CUBN: variants seen among roughly 807,000 people sequenced by gnomAD.
CUBN encodes cubilin, also known as 460 kDa receptor.
CUBN carries 282 observed loss-of-function variants against 405.3 expected under a neutral mutation model. That is an observed-to-expected ratio of 0.70 (90% CI 0.63 to 0.77). CUBN has a LOEUF of 0.77. CUBN is among the 30% of genes least tolerant of loss of function. CUBN has a pLI of 0.00. For synonymous variants in CUBN, 1,684 were observed against 1,617.0 expected (o/e 1.04, Z -0.99); for missense variants, 4,514 against 4,475.2 (o/e 1.01, Z -0.25).
intron 62 of CUBN, among the ~76,000 whole-genome samples, chr10:16,837,266 T>C (rs1322434385): frequency 1.3e-5 from 2 of 151,984 alleles, no homozygotes; most frequent in African/African-American, 4.8e-5. Flanking sequence ...GGCTGTTCTT[T>C]ACCCATGCTC....
chr10:17,114,520 G>T (rs1358888328), intron 7 of CUBN, among the ~76,000 whole-genome samples: 1 of 152,138 alleles, frequency 6.6e-6, no homozygotes, highest in Non-Finnish European at 1.5e-5. Flanking sequence ...ACCCATGTAG[G>T]CACAGACCTT....
intron 59 of CUBN, among the ~76,000 whole-genome samples, chr10:16,865,870 T>C (rs1840169639): frequency 2.0e-5 from 3 of 152,156 alleles, no homozygotes; most frequent in Non-Finnish European, 4.4e-5. Flanking sequence ...TTTGGGTCCA[T>C]GCCAATTTTA....
intron 20 of CUBN, 48 bp downstream of exon 20, chr10:17,068,557 C>G: frequency 3.4e-6 from 5 of 1,463,122 alleles, no homozygotes; most frequent in Non-Finnish European, 4.8e-6. Flanking sequence ...TTCACTTATT[C>G]TGATACAAGC....
At chr10:16,938,223 A>G (rs1022974152) in intron 38 of CUBN, among the ~76,000 whole-genome samples, 23 of 152,198 alleles carry the variant, frequency 1.5e-4, no homozygotes, top group African/African-American at 5.3e-4. Context: ...AAAGGAGTCC[A>G]TATTTCCACA....
At chr10:17,053,285 G>T (rs1835314732) in intron 22 of CUBN, among the ~76,000 whole-genome samples, 1 of 151,712 alleles carries the variant, frequency 6.6e-6, no homozygotes, top group South Asian at 2.1e-4. Context: ...AGAAAAAGCA[G>T]GACCCAATTA....
At chr10:17,065,487 T>C in intron 22 of CUBN, 21 bp downstream of exon 22, 1 of 1,612,442 alleles carries the variant, frequency 6.2e-7, no homozygotes, top group South Asian at 1.1e-5. Flanking sequence ...TAAAACCGAG[T>C]ATGCAATGCT....
Position 16,945,912 on chromosome 10 carries a change from G to A in CUBN, c.5342+1323C>T, listed in dbSNP as rs549140209. Among the ~76,000 whole-genome samples the A allele has an allele frequency of 7.3e-4, 111 of 152,096 alleles. 1 individual carries two copies. Among genetic ancestry groups the A allele is most frequent in the Admixed American group, 7.2e-3 (110 of 15,276 alleles). ...CCTGAAGAGGCTCTGTCTGATTGAT[G>A]GATTAAAAAAAGCAACTTGAGATGT... On this transcript the variant is annotated intron_variant, in intron 36 of 66. Transcript: ENST00000377833.
intron 39 of CUBN, among the ~76,000 whole-genome samples, chr10:16,936,003 C>A (rs1032278345): frequency 2.0e-5 from 3 of 151,506 alleles, no homozygotes; most frequent in Non-Finnish European, 4.4e-5. Flanking sequence ...AGTGTGGTAT[C>A]ATTACAGGAT....
At chr10:16,978,757 T>C (rs975763410) in intron 31 of CUBN, among the ~76,000 whole-genome samples, 1 of 152,140 alleles carries the variant, frequency 6.6e-6, no homozygotes, top group Non-Finnish European at 1.5e-5. Context: ...AAAAACTTTT[T>C]GTTAGAAAAT....
chr10:16,852,117 A>T (rs1326231992), intron 59 of CUBN, among the ~76,000 whole-genome samples: 2 of 33,562 alleles, frequency 6.0e-5, no homozygotes, highest in Admixed American at 4.2e-4. Context: ...CCCTCCCTCC[A>T]TCTTTCCCTC....
At chr10:16,995,494 A>T (rs1405347735) in intron 28 of CUBN, among the ~76,000 whole-genome samples, 2 of 149,710 alleles carry the variant, frequency 1.3e-5, no homozygotes, top group East Asian at 3.9e-4. Flanking sequence ...CTATCTTTAC[A>T]TTTTTTTTTT....
At chr10:16,981,767 G>A (rs1480990901) in intron 31 of CUBN, among the ~76,000 whole-genome samples, 1 of 152,122 alleles carries the variant, frequency 6.6e-6, no homozygotes, top group Non-Finnish European at 1.5e-5. Flanking sequence ...AAGCAAATAA[G>A]CCACCCCCTT....
At chr10:17,023,276 G>A (rs1455315234) in intron 27 of CUBN, among the ~76,000 whole-genome samples, 1 of 150,986 alleles carries the variant, frequency 6.6e-6, no homozygotes, top group Non-Finnish European at 1.5e-5. Context: ...CCTTTGGGGG[G>A]AGAAAATTAT....
chr10:16,976,919 T>G (rs1399088768), intron 31 of CUBN, among the ~76,000 whole-genome samples: 6 of 152,224 alleles, frequency 3.9e-5, no homozygotes, highest in African/African-American at 1.4e-4. Context: ...TTGGGTCTTC[T>G]TCATATTGCA....
chr10:16,925,593 AT>A lies in CUBN; in HGVS notation c.6452del (p.Asp2151ValfsTer5), dbSNP rs762997027. On this transcript the variant is annotated frameshift_variant, in exon 42 of 67. Coordinates refer to ENST00000377833, the MANE Select transcript of CUBN (RefSeq NM_001081.4). LOFTEE classifies it high-confidence loss of function. ...PNGDSSCNQG[D>X]YLVLRNGPDI... Reference sequence around the variant, plus strand: ...TAGCAGCAAGACCTACCACCAAGTAATCCCCCTGGTTGCAAGAAGAATCTCC... The same window carrying A: ...TAGCAGCAAGACCTACCACCAAGTAACCCCCTGGTTGCAAGAAGAATCTCC... 12 of 1,614,014 alleles carry A rather than the reference AT, an allele frequency of 7.4e-6. No homozygotes were observed. The highest frequency in any genetic ancestry group is 9.3e-6 in the Non-Finnish European group (11 of 1,179,958).
chr10:16,869,675 T>C lies in CUBN; in HGVS notation c.9415A>G (p.Thr3139Ala). Residue 3139 changes from threonine to alanine, a missense_variant, in exon 59 of 67, where the codon ACA (threonine) becomes GCA (alanine). By Grantham distance (58) the Thr-to-Ala change is moderately conservative. Coordinates refer to ENST00000377833, the MANE Select transcript of CUBN (RefSeq NM_001081.4). ...AAAGACATCTTCCAGCCTTTTGCTG[T>C]CTGAAATGAATCTGTCTTGAACACC... ...LLVFKTDSFQ[T>A]AKGWKMSFRQ... 1.2e-6 allele frequency: 2 copies of C among 1,614,014 alleles called. No individual in the cohort carries two copies. Among genetic ancestry groups the C allele is most frequent in the Admixed American group, 1.7e-5 (1 of 59,996 alleles).
At chr10:16,901,907 A>ACACACCATATATAG (rs1207924602) in intron 51 of CUBN, among the ~76,000 whole-genome samples, 29 of 138,844 alleles carry the variant, frequency 2.1e-4, no homozygotes, top group Non-Finnish European at 2.0e-4. Context: ...ATATATATAT[A>ACACACCATATATAG]TATATATATA....
intron 28 of CUBN, among the ~76,000 whole-genome samples, chr10:17,018,855 G>A (rs578244812): frequency 2.0e-5 from 3 of 151,276 alleles, no homozygotes; most frequent in African/African-American, 7.4e-5. Context: ...GCTGATTGGT[G>A]CATTTACAAA....
intron 40 of CUBN, among the ~76,000 whole-genome samples, chr10:16,930,496 A>G (rs1404418555): frequency 1.3e-5 from 2 of 152,210 alleles, no homozygotes; most frequent in African/African-American, 4.8e-5. Flanking sequence ...GATTTATCTA[A>G]GGTCATGAAG....
Sources: allele counts gnomAD v4.1 joint callset (sites outside exome capture counted in the v4.1 genomes callset), GRCh38; gene constraint gnomAD v4.1.1; transcripts MANE v1.5; gene names NCBI Gene and HGNC (gene_info 2026-07-23, HGNC 2026-07-21).